MFHAS1: variants seen among roughly 807,000 people sequenced by gnomAD.
The protein encoded by MFHAS1 is malignant fibrous histiocytoma-amplified sequence 1.
A neutral mutation model predicts 70.4 loss-of-function variants in MFHAS1; 50 were observed. The ratio of observed to expected loss-of-function variants is 0.71; its 90% confidence interval spans 0.57 to 0.90. The LOEUF (loss-of-function observed/expected upper bound fraction) is 0.90, where lower values mean the gene tolerates loss of function less well. MFHAS1 is among the 40% of genes least tolerant of loss of function. The pLI is 0.00. For missense variants in MFHAS1, 1,795 were observed against 1,347.6 expected, an observed-to-expected ratio of 1.33 and a Z score of -5.20; for synonymous variants, 952 against 620.0, an observed-to-expected ratio of 1.54 and a Z score of -7.96.
chr8:8,832,704 C>CGGCCACCTT (rs1378143734), intron 1 of MFHAS1, among the ~76,000 whole-genome samples: 1 of 143,330 alleles, frequency 7.0e-6, no homozygotes, highest in South Asian at 2.3e-4. Context: ...TCATAGCTGA[C>CGGCCACCTT]GGCCACCTTG....
intron 1 of MFHAS1, among the ~76,000 whole-genome samples, chr8:8,873,986 C>G (rs1242864095): frequency 6.6e-6 from 1 of 152,156 alleles, no homozygotes; most frequent in Non-Finnish European, 1.5e-5. Context: ...ATGCTGAAAA[C>G]AATGGTGTTC....
intron 1 of MFHAS1, among the ~76,000 whole-genome samples, chr8:8,867,168 G>C (rs1808890363): frequency 6.6e-6 from 1 of 152,186 alleles, no homozygotes; most frequent in Non-Finnish European, 1.5e-5. Context: ...AGCTCTTCAA[G>C]TCTGTACTAG....
intron 1 of MFHAS1, among the ~76,000 whole-genome samples, chr8:8,864,352 C>T (rs1808780351): frequency 6.6e-6 from 1 of 152,216 alleles, no homozygotes; most frequent in South Asian, 2.1e-4. Context: ...CCATTCACAC[C>T]AAGCAACAAA....
chr8:8,794,904 A>G (rs963287568), intron 2 of MFHAS1, among the ~76,000 whole-genome samples: 6 of 152,202 alleles, frequency 3.9e-5, no homozygotes, highest in Non-Finnish European at 7.3e-5. Flanking sequence ...AGAGAGGCTG[A>G]TAACATTTTT....
intron 1 of MFHAS1, among the ~76,000 whole-genome samples, chr8:8,848,475 C>T (rs1808115501): frequency 6.6e-6 from 1 of 151,914 alleles, no homozygotes; most frequent in Non-Finnish European, 1.5e-5. Flanking sequence ...AAAGTGAAAG[C>T]CATTAACATA....
chr8:8,889,963 G>C, intron 1 of MFHAS1, 98 bp downstream of exon 1: 2 of 1,022,624 alleles, frequency 2.0e-6, no homozygotes, highest in Non-Finnish European at 2.9e-6. Context: ...TGGAGAACCC[G>C]TGAAGTTAAA....
Position 8,892,940 on chromosome 8 carries a change from C to T in MFHAS1, c.119G>A (p.Cys40Tyr). 1.3e-6 allele frequency: 2 copies of T among 1,547,580 alleles called. No individual in the cohort carries two copies. Among genetic ancestry groups the T allele is most frequent in the African/African-American group, 1.4e-5 (1 of 71,072 alleles). ...RQLTLTAAGA[C>Y]PGAGADALES... The stretch of plus-strand genomic sequence containing the variant: ...GAGCGCGTCGGCCCCGGCCCCGGGG[C>T]AGGCCCCGGCGGCGGTAAGCGTGAG... Residue 40 changes from cysteine to tyrosine, a missense_variant, in exon 1 of 3, where the codon TGC becomes TAC. Coordinates refer to ENST00000276282, the MANE Select transcript of MFHAS1 (RefSeq NM_004225.3). The surrounding 1 kb of genome is among the most constrained non-coding windows in gnomAD (Gnocchi z 4.7).
chr8:8,824,068 G>C (rs1807064949), intron 1 of MFHAS1, among the ~76,000 whole-genome samples: 1 of 150,846 alleles, frequency 6.6e-6, no homozygotes, highest in Non-Finnish European at 1.5e-5. Flanking sequence ...AGGAGCTCAG[G>C]CTACCTGCCT....
intron 2 of MFHAS1, among the ~76,000 whole-genome samples, chr8:8,795,181 G>C (rs973395586): frequency 6.6e-6 from 1 of 151,828 alleles, no homozygotes; most frequent in African/African-American, 2.4e-5. Flanking sequence ...ATATCCCCTT[G>C]AGCTTTAAGA....
chr8:8,823,895 G>A (rs1807057862), intron 1 of MFHAS1, among the ~76,000 whole-genome samples: 1 of 127,868 alleles, frequency 7.8e-6, no homozygotes, highest in Admixed American at 9.9e-5. Flanking sequence ...CATAATGTAT[G>A]AGTGAGCGCT....
chr8:8,829,470 C>G (rs908730822), intron 1 of MFHAS1, among the ~76,000 whole-genome samples: 1 of 152,202 alleles, frequency 6.6e-6, no homozygotes, highest in African/African-American at 2.4e-5. Flanking sequence ...CACTTGAGGT[C>G]AGGAGTTCAA....
intron 1 of MFHAS1, among the ~76,000 whole-genome samples, chr8:8,801,359 A>G (rs1360702380): frequency 6.6e-6 from 1 of 152,188 alleles, no homozygotes; most frequent in Non-Finnish European, 1.5e-5. Flanking sequence ...ACTGCCATCC[A>G]TGGAAACAGA....
At position 8,821,264 on chromosome 8, in the gene MFHAS1, G is replaced by T. The variant is rs890676232; in HGVS notation, c.2999-23773C>A. Among the ~76,000 whole-genome samples, 8 of 152,200 alleles carry T rather than the reference G, an allele frequency of 5.3e-5. No homozygotes were observed. The East Asian group carries it at 1.5e-3, about 29-fold the overall frequency. On this transcript the variant is annotated intron_variant, in intron 1 of 2. Coordinates refer to ENST00000276282, the MANE Select transcript of MFHAS1 (RefSeq NM_004225.3). ...GATGCCTCTAAGGCCCCTGTGGCAGGAGGTCAAAGAATCTTAACAAGGAGG... is the reference window on the plus strand; with the variant it reads ...GATGCCTCTAAGGCCCCTGTGGCAGTAGGTCAAAGAATCTTAACAAGGAGG...
intron 1 of MFHAS1, among the ~76,000 whole-genome samples, chr8:8,856,980 GAAAAAAAAAAAAAA>G (rs59496543): frequency 0.036 from 1,934 of 53,630 alleles, 53 homozygotes; most frequent in Middle Eastern, 0.083. Flanking sequence ...TCAGGAAAGT[GAAAAAAAAAAAAAA>G]AAAAAAAAAA....
intron 2 of MFHAS1, among the ~76,000 whole-genome samples, chr8:8,794,016 C>T (rs1474884154): frequency 1.3e-5 from 2 of 152,028 alleles, no homozygotes; most frequent in African/African-American, 4.8e-5. Flanking sequence ...GATGAAACCC[C>T]GTCTCTACCA....
At chr8:8,873,058 G>C (rs774122216) in intron 1 of MFHAS1, among the ~76,000 whole-genome samples, 7 of 152,122 alleles carry the variant, frequency 4.6e-5, no homozygotes, top group Non-Finnish European at 8.8e-5. Flanking sequence ...TCTTATTACT[G>C]TACCTTGGGC....
chr8:8,785,868 T>TTC lies in MFHAS1; in HGVS notation c.*153_*154insGA. 2 of 454,666 alleles carry TTC rather than the reference T, an allele frequency of 4.4e-6. No homozygotes were observed. The highest frequency in any genetic ancestry group is 2.0e-5 in the South Asian group (1 of 49,360). 28.2% of individuals were successfully genotyped at this position (454,666 alleles called of 1,614,324 possible). On this transcript the variant is annotated 3_prime_UTR_variant, in exon 3 of 3. Coordinates refer to ENST00000276282, the MANE Select transcript of MFHAS1 (RefSeq NM_004225.3). Reference sequence around the variant, plus strand: ...CCCCCACCACCCCCTCCCCACCTCTTCCCCAGTCGTCCAAAAAGCACCCTG... The same window carrying TTC: ...CCCCCACCACCCCCTCCCCACCTCTTTCCCCCAGTCGTCCAAAAAGCACCCTG...
intron 1 of MFHAS1, among the ~76,000 whole-genome samples, chr8:8,852,954 G>C (rs777155750): frequency 1.3e-5 from 2 of 152,106 alleles, no homozygotes; most frequent in African/African-American, 4.8e-5. Context: ...ATTTATACCC[G>C]GATGTATTTC....
intron 1 of MFHAS1, among the ~76,000 whole-genome samples, chr8:8,827,787 T>A (rs1165713708): frequency 6.6e-6 from 1 of 152,156 alleles, no homozygotes. Flanking sequence ...GTGACACGCT[T>A]TGGGGGGAAA....
Sources: allele counts gnomAD v4.1 joint callset (sites outside exome capture counted in the v4.1 genomes callset), GRCh38; gene constraint gnomAD v4.1.1; non-coding constraint Gnocchi (gnomAD v3.1); transcripts MANE v1.5; gene names NCBI Gene and HGNC (gene_info 2026-07-23, HGNC 2026-07-21).